Variants in PTPRM observed in about 807,000 individuals in gnomAD.
PTPRM encodes protein tyrosine phosphatase receptor type M.
Under a neutral mutation model 186.7 loss-of-function variants are expected in PTPRM, and 47 were observed. That is an observed-to-expected ratio of 0.25 (90% CI 0.20 to 0.32). The LOEUF is 0.32. Ranked by LOEUF, PTPRM falls within the 10% of genes least tolerant of loss-of-function variation. The pLI, the probability that PTPRM is intolerant of heterozygous loss-of-function variation, is 1.00. For missense variants in PTPRM, 1,494 were observed against 1,865.0 expected (o/e 0.80, Z 3.66); for synonymous variants, 668 against 674.9 (o/e 0.99, Z 0.16).
In PTPRM at chr18:7,645,889, G is replaced by T. The variant is rs558548218; in HGVS notation, c.73+77998G>T. Reference sequence around the variant, plus strand: ...TTGCTCTTTTGAGAGACAGTAGCCAGGGTTTTGTCAGTCTGCCAGGATTGG... The same window carrying T: ...TTGCTCTTTTGAGAGACAGTAGCCATGGTTTTGTCAGTCTGCCAGGATTGG... On this transcript the variant is annotated intron_variant, in intron 1 of 32. Transcript: ENST00000580170. 2.0e-4 allele frequency among the ~76,000 whole-genome samples: 30 copies of T among 152,214 alleles called. No homozygotes were observed. The South Asian group carries it at 6.0e-3, about 31-fold the overall frequency.
At chr18:7,941,843 T>C (rs1413020095) in intron 5 of PTPRM, among the ~76,000 whole-genome samples, 1 of 152,248 alleles carries the variant, frequency 6.6e-6, no homozygotes, top group Non-Finnish European at 1.5e-5. Context: ...CCAGTGACTC[T>C]GAACACTGTG....
At chr18:8,160,457 T>C (rs1269205695) in intron 14 of PTPRM, among the ~76,000 whole-genome samples, 1 of 151,174 alleles carries the variant, frequency 6.6e-6, no homozygotes, top group Non-Finnish European at 1.5e-5. Flanking sequence ...AATTTTGGGG[T>C]TTTGTTGTTG....
rs546640513 is a variant in PTPRM at position 8,140,827 on chromosome 18, A to G, written c.2168-2820A>G. Among the ~76,000 whole-genome samples, 4 of 152,354 alleles carry G rather than the reference A, an allele frequency of 2.6e-5. No individual in the cohort carries two copies. The South Asian group carries it at 6.2e-4, about 24-fold the overall frequency. Reference sequence around the variant, plus strand: ...AATAAGCAATTAAAATTTATACGAAAAAAAGGAAAAGTTTATACCATGAGA... The same window carrying G: ...AATAAGCAATTAAAATTTATACGAAGAAAAGGAAAAGTTTATACCATGAGA... On this transcript the variant is annotated intron_variant, in intron 13 of 32. Coordinates refer to ENST00000580170, the MANE Select transcript of PTPRM (RefSeq NM_001105244.2).
At chr18:8,228,562 G>T (rs1227452170) in intron 14 of PTPRM, among the ~76,000 whole-genome samples, 2 of 151,856 alleles carry the variant, frequency 1.3e-5, no homozygotes, top group Non-Finnish European at 2.9e-5. Flanking sequence ...TCAGAAATAG[G>T]CTGGGTGTGG....
chr18:7,675,019 A>G (rs1218076666), intron 1 of PTPRM, among the ~76,000 whole-genome samples: 1 of 152,198 alleles, frequency 6.6e-6, no homozygotes, highest in Non-Finnish European at 1.5e-5. Context: ...ATTCTTGTAA[A>G]GAGTGTTGTA....
At chr18:7,824,122 G>A (rs1260626410) in intron 2 of PTPRM, among the ~76,000 whole-genome samples, 1 of 152,078 alleles carries the variant, frequency 6.6e-6, no homozygotes, top group Non-Finnish European at 1.5e-5. Context: ...ACAAATCCCT[G>A]GTCTTCATCC....
At chr18:7,592,331 G>A (rs1038031993) in intron 1 of PTPRM, among the ~76,000 whole-genome samples, 4 of 152,206 alleles carry the variant, frequency 2.6e-5, no homozygotes, top group Non-Finnish European at 4.4e-5. Flanking sequence ...AGAACAAAAT[G>A]TAAAGAGAAG....
intron 2 of PTPRM, among the ~76,000 whole-genome samples, chr18:7,816,897 G>T (rs1317242061): frequency 1.3e-5 from 2 of 151,882 alleles, no homozygotes; most frequent in Non-Finnish European, 2.9e-5. Flanking sequence ...TAATAGTTAA[G>T]CATAATAACT....
intron 19 of PTPRM, among the ~76,000 whole-genome samples, chr18:8,264,077 A>C (rs1001475849): frequency 4.6e-5 from 7 of 152,158 alleles, no homozygotes; most frequent in Non-Finnish European, 1.0e-4. Context: ...TCCAGGTAGA[A>C]AGTGTCAGAG....
intron 22 of PTPRM, among the ~76,000 whole-genome samples, chr18:8,333,714 C>A (rs1266424055): frequency 6.6e-6 from 1 of 152,170 alleles, no homozygotes; most frequent in Non-Finnish European, 1.5e-5. Context: ...GTGGTTAAGT[C>A]CCACCTTCAG....
chr18:7,700,818 C>T (rs1427296727), intron 1 of PTPRM, among the ~76,000 whole-genome samples: 1 of 151,402 alleles, frequency 6.6e-6, no homozygotes, highest in Admixed American at 6.6e-5. Context: ...TGGCGAAACC[C>T]ATGTCTACAA....
chr18:8,287,075 T>A, intron 19 of PTPRM, among the ~76,000 whole-genome samples: 2 of 149,568 alleles, frequency 1.3e-5, no homozygotes, highest in African/African-American at 2.5e-5. Flanking sequence ...CTCCAAGAAA[T>A]ACCAGGAAGG....
chr18:8,097,234 G>T (rs190625078), intron 11 of PTPRM, among the ~76,000 whole-genome samples: 25 of 152,078 alleles, frequency 1.6e-4, no homozygotes, highest in African/African-American at 5.3e-4. Flanking sequence ...GTATTTCATT[G>T]CAACTTAATT....
intron 1 of PTPRM, among the ~76,000 whole-genome samples, chr18:7,761,915 G>A (rs551460547): frequency 5.9e-5 from 9 of 152,270 alleles, no homozygotes; most frequent in Admixed American, 1.3e-4. Flanking sequence ...TTCAGTGAAT[G>A]GAGTCCATTA....
intron 14 of PTPRM, among the ~76,000 whole-genome samples, chr18:8,170,193 A>G (rs1326221070): frequency 6.6e-6 from 1 of 152,186 alleles, no homozygotes; most frequent in Non-Finnish European, 1.5e-5. Flanking sequence ...TGACAATACA[A>G]GGACCACACG....
At chr18:7,867,264 TGTTA>T (rs1022910713) in intron 2 of PTPRM, among the ~76,000 whole-genome samples, 47 of 152,290 alleles carry the variant, frequency 3.1e-4, no homozygotes, top group African/African-American at 9.6e-4. Context: ...TTATTTTGCC[TGTTA>T]GTTAATGCAA....
rs139205469 is a variant in PTPRM, at chr18:8,276,224, T to C, written c.2755-20144T>C. 7.0e-3 allele frequency among the ~76,000 whole-genome samples: 1,065 copies of C among 152,158 alleles called. 6 individuals are homozygous for C. Among genetic ancestry groups the C allele is most frequent in the South Asian group, 0.02 (94 of 4,820 alleles). Reference sequence around the variant, plus strand: ...TCACAGCATGTTGGAGTCCCTGCAGTTTAATTTAGACTCTATTTACTACCT... The same window carrying C: ...TCACAGCATGTTGGAGTCCCTGCAGCTTAATTTAGACTCTATTTACTACCT... On this transcript the variant is annotated intron_variant, in intron 19 of 32. Coordinates refer to ENST00000580170, the MANE Select transcript of PTPRM (RefSeq NM_001105244.2).
chr18:7,674,562 A>C (rs1171238843), intron 1 of PTPRM, among the ~76,000 whole-genome samples: 1 of 152,118 alleles, frequency 6.6e-6, no homozygotes, highest in Non-Finnish European at 1.5e-5. Flanking sequence ...GAGGTGTTGA[A>C]CCAAAGGGTG....
intron 14 of PTPRM, among the ~76,000 whole-genome samples, chr18:8,184,715 T>C (rs2093620204): frequency 6.6e-6 from 1 of 152,254 alleles, no homozygotes; most frequent in Admixed American, 6.5e-5. Context: ...GAAAAAGTTA[T>C]ATGAGGATTT....
Sources: gnomAD v4.1 joint callset for allele counts (sites outside exome capture counted in the v4.1 genomes callset) on GRCh38, gnomAD v4.1.1 for gene constraint, MANE v1.5 for transcripts, NCBI Gene and HGNC (gene_info 2026-07-23, HGNC 2026-07-21) for gene names.